NOTCH1: variants seen among roughly 807,000 people sequenced by gnomAD.
NOTCH1 encodes the protein neurogenic locus notch homolog protein 1.
Under a neutral mutation model 254.8 loss-of-function variants are expected in NOTCH1, and 37 were observed. The observed-to-expected ratio is 0.15, with a 90% confidence interval of 0.11 to 0.19. The LOEUF (loss-of-function observed/expected upper bound fraction) is 0.19, where lower values mean the gene tolerates loss of function less well. NOTCH1 is among the 10% of genes least tolerant of loss of function. NOTCH1 has a pLI of 1.00. For synonymous variants in NOTCH1, 1,731 were observed against 1,618.1 expected (o/e 1.07, Z -1.68); for missense variants, 2,972 against 3,708.6 (o/e 0.80, Z 5.16).
intron 2 of NOTCH1, among the ~76,000 whole-genome samples, chr9:136,528,466 T>TGGG (rs1843507801): frequency 2.3e-4 from 3 of 13,140 alleles, no homozygotes; most frequent in African/African-American, 6.3e-4. Flanking sequence ...GGGACAGTGT[T>TGGG]GGGGATGAGC....
intron 2 of NOTCH1, among the ~76,000 whole-genome samples, chr9:136,527,308 C>T (rs1843478463): frequency 6.6e-6 from 1 of 152,254 alleles, no homozygotes; most frequent in African/African-American, 2.4e-5. Context: ...GGACCACCAG[C>T]CTGTGAGCAA....
intron 9 of NOTCH1, 104 bp from the exon 10 acceptor site, chr9:136,516,198 A>G (rs1843269964): frequency 2.4e-6 from 2 of 828,380 alleles, no homozygotes; most frequent in East Asian, 5.2e-5. Flanking sequence ...TGGGCTCCCC[A>G]GGGCACACTC....
chr9:136,515,082 G>T (rs1242840699), intron 12 of NOTCH1, among the ~76,000 whole-genome samples: 1 of 152,220 alleles, frequency 6.6e-6, no homozygotes, highest in Non-Finnish European at 1.5e-5. Context: ...GCCTGGGACA[G>T]CTCTGACCGG....
Position 136,513,339 on chromosome 9 carries a change from C to T in NOTCH1, c.2353+53G>A. 2 of 1,610,476 alleles carry T rather than the reference C, an allele frequency of 1.2e-6. No individual in the cohort carries two copies. The highest frequency in any genetic ancestry group is 1.7e-6 in the Non-Finnish European group (2 of 1,179,358). ...CTGGGTCCCGATCCTGTGTCTCCAG[C>T]TCCCCAGACTCGAGGGCGGCCCTCT... On this transcript the variant is annotated intron_variant, in intron 14 of 33. Coordinates refer to ENST00000651671, the MANE Select transcript of NOTCH1 (RefSeq NM_017617.5). The surrounding 1 kb of genome is among the most constrained non-coding windows in gnomAD (Gnocchi z 4.7).
Position 136,513,562 on chromosome 9 carries a change from T to C in NOTCH1, c.2208-25A>G, listed in dbSNP as rs1431795285. 1.2e-6 allele frequency: 2 copies of C among 1,612,456 alleles called. No homozygotes were observed. Among genetic ancestry groups the C allele is most frequent in the Admixed American group, 3.3e-5 (2 of 59,980 alleles). On this transcript the variant is annotated intron_variant, in intron 13 of 33. Transcript: ENST00000651671. The surrounding 1 kb of genome is among the most constrained non-coding windows in gnomAD (Gnocchi z 4.7). ...CCTGCAAGGGGGACCACACTGCAGGTCGAGGGAGGCCCGAGCAGCACGGCC... is the reference window on the plus strand; with the variant it reads ...CCTGCAAGGGGGACCACACTGCAGGCCGAGGGAGGCCCGAGCAGCACGGCC...
Position 136,522,742 on chromosome 9 carries a change from C to T in NOTCH1, c.742+108G>A, listed in dbSNP as rs918689814. ...TCGCCATCCCGCCTTCCCAACTCCCCGCCATGGGCCCTCCCAGGGCTGCCC... is the reference window on the plus strand; with the variant it reads ...TCGCCATCCCGCCTTCCCAACTCCCTGCCATGGGCCCTCCCAGGGCTGCCC... On this transcript the variant is annotated intron_variant, in intron 4 of 33. Coordinates refer to ENST00000651671, the MANE Select transcript of NOTCH1 (RefSeq NM_017617.5). 1.3e-5 allele frequency: 15 copies of T among 1,114,676 alleles called. No individual in the cohort carries two copies. In the African/African-American group the frequency reaches 1.6e-4, roughly 12 times the overall value. 69.0% of individuals were successfully genotyped at this position (1,114,676 alleles called of 1,614,324 possible).
In NOTCH1 at chr9:136,505,822, G is replaced by A. The variant is rs762830852; in HGVS notation, c.4074C>T (p.Leu1358=). 1.6e-5 allele frequency: 25 copies of A among 1,592,238 alleles called. No individual in the cohort carries two copies. Among genetic ancestry groups the A allele is most frequent in the Non-Finnish European group, 2.0e-5 (23 of 1,174,546 alleles). ...GGCCGGAGATGCATGTGCCGCCGTT[G>A]AGGCAGCGCAGGCTGCCGCAGGTAC... ...DARTCGSLRC[L]NGGTCISGPR... is the part of the protein sequence containing the mutation. The change falls in exon 25 of 34, where the codon CTC becomes CTT. Residue 1358 remains leucine, a synonymous_variant. Coordinates refer to ENST00000651671, the MANE Select transcript of NOTCH1 (RefSeq NM_017617.5).
At position 136,507,437 on chromosome 9, in the gene NOTCH1, A is replaced by C; in HGVS notation, c.3511T>G (p.Cys1171Gly). ...TDYLGGYSCK[C>G]VAGYHGVNCS... ...TTCACCCCGTGGTAGCCGGCCACGC[A>C]CTGTGCAGGCGACAGAACGAGGGGC... The change falls in exon 22 of 34, where the codon TGC becomes GGC. Residue 1171 changes from cysteine (C) to glycine (G), a missense_variant and splice_region_variant. Coordinates refer to ENST00000651671, the MANE Select transcript of NOTCH1 (RefSeq NM_017617.5). The C allele has an allele frequency of 6.2e-7, 1 of 1,603,740 alleles. No individual in the cohort carries two copies. The highest frequency in any genetic ancestry group is 8.5e-7 in the Non-Finnish European group (1 of 1,176,196).
In NOTCH1 at chr9:136,506,458, G is replaced by A; in HGVS notation, c.4014+69C>T. The stretch of plus-strand genomic sequence containing the variant: ...GATCACTGCCCGGTCTGCGCCCCGA[G>A]GCCCCCACGTGGACCTCTCCAGGTG... On this transcript the variant is annotated intron_variant, in intron 24 of 33. Coordinates refer to ENST00000651671, the MANE Select transcript of NOTCH1 (RefSeq NM_017617.5). This position sits in a 1 kb window ranked among gnomAD's most constrained non-coding sequence, Gnocchi z 4.5. 7.2e-7 allele frequency: 1 copy of A among 1,383,646 alleles called. No homozygotes were observed. Among genetic ancestry groups the A allele is most frequent in the African/African-American group, 1.4e-5 (1 of 69,622 alleles). The allele number at this position is 1,383,646 out of a possible 1,614,324, so 85.7% of individuals were successfully genotyped here. A position where few individuals can be genotyped will look rare whatever the true frequency, so the allele number is the denominator to read the frequency against.
At chr9:136,518,075 T>A in intron 7 of NOTCH1, 62 bp downstream of exon 7, 1 of 1,551,660 alleles carries the variant, frequency 6.4e-7, no homozygotes. Context: ...AATCGACTTC[T>A]CATCGGTTCT....
In NOTCH1 at chr9:136,496,892, T is replaced by C. The variant is rs760200087; in HGVS notation, c.6847A>G (p.Ser2283Gly). Residue 2283 changes from serine to glycine, a missense_variant, in exon 34 of 34, where the codon AGC becomes GGC. Physicochemically the swap from Ser to Gly is moderately conservative, Grantham distance 56. Transcript: ENST00000651671. ...LSHLPVASGT[S>G]TVLGSSSGGA... is the part of the protein sequence containing the mutation. ...CCGCTGCTGGAGCCCAGGACGGTGCTGGTGCCAGAGGCCACAGGCAGGTGG... is the reference window on the plus strand; with the variant it reads ...CCGCTGCTGGAGCCCAGGACGGTGCCGGTGCCAGAGGCCACAGGCAGGTGG... The C allele has an allele frequency of 7.4e-6, 12 of 1,612,832 alleles. No homozygotes were observed. The highest frequency in any genetic ancestry group is 1.0e-5 in the Non-Finnish European group (12 of 1,179,982).
chr9:136,498,273 G>A (rs1344488489), intron 33 of NOTCH1, among the ~76,000 whole-genome samples: 1 of 151,588 alleles, frequency 6.6e-6, no homozygotes. Flanking sequence ...AGGGAGGTGG[G>A]GGTGTCTGCA....
Position 136,496,684 on chromosome 9 carries a change from C to T in NOTCH1, c.7055G>A (p.Ser2352Asn), listed in dbSNP as rs2133316408. The T allele has an allele frequency of 1.2e-6, 2 of 1,612,876 alleles. No homozygotes were observed. Among genetic ancestry groups the T allele is most frequent in the Non-Finnish European group, 1.7e-6 (2 of 1,179,940 alleles). The stretch of plus-strand genomic sequence containing the variant: ...GGACAGGGCGCTGGCAGCAAGGCTA[C>T]TGTGCAGCGGGCCTACCATGCCATG... ...LQHGMVGPLH[S>N]SLAASALSQM... The change falls in exon 34 of 34, where the codon AGT becomes AAT. Residue 2352 changes from serine to asparagine, a missense_variant. By Grantham distance (46) the Ser-to-Asn change is conservative. Coordinates refer to ENST00000651671, the MANE Select transcript of NOTCH1 (RefSeq NM_017617.5).
intron 30 of NOTCH1, among the ~76,000 whole-genome samples, chr9:136,501,183 T>C (rs1282219013): frequency 6.6e-6 from 1 of 152,218 alleles, no homozygotes; most frequent in Admixed American, 6.5e-5. Flanking sequence ...GCTGTCATCC[T>C]AGCACTGGGG....
chr9:136,507,055 C>T (rs1021347512), intron 22 of NOTCH1, 82 bp from the exon 23 acceptor site: 70 of 1,549,942 alleles, frequency 4.5e-5, no homozygotes, highest in Non-Finnish European at 5.8e-5. Context: ...GGAAGACGAG[C>T]GCTCAGGTCT....
In NOTCH1 at chr9:136,496,666, G is replaced by A. The variant is rs770454358; in HGVS notation, c.7073C>T (p.Ala2358Val). ...CTGGTAGCTCATCATCTGGGACAGG[G>A]CGCTGGCAGCAAGGCTACTGTGCAG... ...GPLHSSLAASALSQMMSYQGL... is the reference protein window; with the variant it reads ...GPLHSSLAASVLSQMMSYQGL... Residue 2358 changes from alanine to valine, a missense_variant, in exon 34 of 34, where the codon GCC (alanine) becomes GTC (valine). Ala to Val is a moderately conservative substitution (Grantham distance 64, BLOSUM62 0). Transcript: ENST00000651671. 1.2e-6 allele frequency: 2 copies of A among 1,612,968 alleles called. No homozygotes were observed. Among genetic ancestry groups the A allele is most frequent in the East Asian group, 2.2e-5 (1 of 44,888 alleles).
At chr9:136,521,552 C>T (rs1238799512) in intron 4 of NOTCH1, among the ~76,000 whole-genome samples, 4 of 152,340 alleles carry the variant, frequency 2.6e-5, no homozygotes, top group South Asian at 4.1e-4. Flanking sequence ...GCCTGAACCA[C>T]GGCCCCCCAA....
At position 136,505,421 on chromosome 9, in the gene NOTCH1, T is replaced by C. The variant is rs2133338989; in HGVS notation, c.4475A>G (p.Gln1492Arg). The stretch of plus-strand genomic sequence containing the variant: ...GAAGTACTTCCAGCACTGCAGAGAC[T>C]GCGTGCAGTTCTTCCAGGGGTCATT... Reference protein sequence around the residue: ...NFNDPWKNCTQSLQCWKYFSD... With the variant: ...NFNDPWKNCTRSLQCWKYFSD... Residue 1492 changes from glutamine to arginine, a missense_variant, in exon 25 of 34, where the codon CAG becomes CGG. Gln to Arg is a conservative substitution (Grantham distance 43). This residue lies in a region of NOTCH1 where 1,343 missense variants were observed against 1,557.0 expected (regional missense o/e 0.86). Coordinates refer to ENST00000651671, the MANE Select transcript of NOTCH1 (RefSeq NM_017617.5). 6.2e-7 allele frequency: 1 copy of C among 1,612,874 alleles called. No individual in the cohort carries two copies.
rs367721906 is a variant in NOTCH1 at position 136,496,868 on chromosome 9, C to T, written c.6871G>A (p.Gly2291Arg). The change falls in exon 34 of 34, where the codon GGA (glycine) becomes AGA (arginine). Residue 2291 changes from glycine (G) to arginine (R), a missense_variant. Transcript: ENST00000651671. The part of the protein sequence containing the change: ...GTSTVLGSSS[G>R]GALNFTVGGS... The stretch of plus-strand genomic sequence containing the variant: ...CCCACAGTGAAATTCAGGGCCCCTC[C>T]GCTGCTGGAGCCCAGGACGGTGCTG... The T allele has an allele frequency of 5.6e-6, 9 of 1,612,850 alleles. No homozygotes were observed. The highest frequency in any genetic ancestry group is 4.5e-5 in the East Asian group (2 of 44,866).
Sources: gnomAD v4.1 joint callset for allele counts (sites outside exome capture counted in the v4.1 genomes callset) on GRCh38, gnomAD v4.1.1 for gene constraint, gnomAD v4.1.1 regional missense constraint, Gnocchi (gnomAD v3.1) non-coding constraint, MANE v1.5 for transcripts, NCBI Gene and HGNC (gene_info 2026-07-23, HGNC 2026-07-21) for gene names.